ESRRG: variants seen among roughly 807,000 people sequenced by gnomAD.
ESRRG encodes the protein estrogen related receptor gamma, also known as estrogen-related receptor gamma.
In ESRRG, 13 loss-of-function variants were observed where a neutral mutation model predicts 44.0. The observed-to-expected ratio is 0.30, with a 90% CI of 0.19 to 0.47. The LOEUF (loss-of-function observed/expected upper bound fraction) is 0.47. ESRRG is among the 20% of genes least tolerant of loss of function. ESRRG has a pLI of 1.00. For missense variants in ESRRG, 395 were observed against 580.6 expected (o/e 0.68, Z 3.29); for synonymous variants, 215 against 214.6 (o/e 1.00, Z -0.02).
chr1:216,550,910 C>T (rs1447599576), intron 5 of ESRRG, among the ~76,000 whole-genome samples: 1 of 152,128 alleles, frequency 6.6e-6, no homozygotes, highest in Non-Finnish European at 1.5e-5. Context: ...TCCTTTCAGG[C>T]AGATTCTGGC....
intron 2 of ESRRG, among the ~76,000 whole-genome samples, chr1:216,877,331 G>A (rs2096370891): frequency 6.6e-6 from 1 of 151,602 alleles, no homozygotes; most frequent in Non-Finnish European, 1.5e-5. Flanking sequence ...TCATTCATAC[G>A]TGTTAGGTAT....
chr1:216,984,090 A>G (rs549566291), intron 1 of ESRRG, among the ~76,000 whole-genome samples: 58 of 152,236 alleles, frequency 3.8e-4, no homozygotes, highest in African/African-American at 1.3e-3. Flanking sequence ...AAATAACCAA[A>G]GAACACGACT....
chr1:216,615,686 A>G (rs2061328006), intron 3 of ESRRG, among the ~76,000 whole-genome samples: 1 of 151,930 alleles, frequency 6.6e-6, no homozygotes, highest in East Asian at 1.9e-4. Flanking sequence ...CCATATGTGG[A>G]AAGAAGAAAT....
At chr1:216,851,774 ACCCGGCT>A in intron 2 of ESRRG, among the ~76,000 whole-genome samples, 1 of 152,194 alleles carries the variant, frequency 6.6e-6, no homozygotes, top group South Asian at 2.1e-4. Flanking sequence ...TCTCTCATTG[ACCCGGCT>A]AAGGATCCTT....
intron 5 of ESRRG, among the ~76,000 whole-genome samples, chr1:216,536,977 G>A (rs1436234069): frequency 6.6e-6 from 1 of 152,066 alleles, no homozygotes. Context: ...CAGTGGGAGA[G>A]GGGGTCAAGG....
At chr1:216,598,369 G>A (rs7533692) in intron 3 of ESRRG, among the ~76,000 whole-genome samples, 55,455 of 151,946 alleles carry the variant, frequency 0.36, 10,268 homozygotes, top group South Asian at 0.42. Context: ...ATTTGTGGGA[G>A]TGCCAATAAA....
chr1:216,757,175 T>G (rs2092497254), intron 2 of ESRRG, among the ~76,000 whole-genome samples: 1 of 151,988 alleles, frequency 6.6e-6, no homozygotes, highest in Non-Finnish European at 1.5e-5. Context: ...TTCTCTCTGC[T>G]CTGGTGGGGA....
At chr1:216,654,326 C>A (rs182121848) in intron 2 of ESRRG, among the ~76,000 whole-genome samples, 2 of 151,948 alleles carry the variant, frequency 1.3e-5, no homozygotes, top group East Asian at 1.9e-4. Flanking sequence ...CCACAAATAA[C>A]TTTAAAAATA....
intron 2 of ESRRG, among the ~76,000 whole-genome samples, chr1:216,732,672 C>T (rs772699634): frequency 4.0e-5 from 6 of 151,774 alleles, no homozygotes; most frequent in Admixed American, 6.6e-5. Context: ...GGCATGGTGG[C>T]GTGCACATGT....
At chr1:216,875,346 G>A (rs978885787) in intron 2 of ESRRG, among the ~76,000 whole-genome samples, 18 of 151,892 alleles carry the variant, frequency 1.2e-4, no homozygotes, top group African/African-American at 1.7e-4. Flanking sequence ...ATAAAGTATC[G>A]CCAGCACCCC....
chr1:217,094,845 C>A (rs977134580), intron 1 of ESRRG, among the ~76,000 whole-genome samples: 1 of 152,170 alleles, frequency 6.6e-6, no homozygotes, highest in African/African-American at 2.4e-5. Flanking sequence ...AAGTAGGCAG[C>A]CAATCACATC....
At chr1:216,527,314 G>A (rs2047959059) in intron 5 of ESRRG, among the ~76,000 whole-genome samples, 1 of 152,048 alleles carries the variant, frequency 6.6e-6, no homozygotes, top group Non-Finnish European at 1.5e-5. Flanking sequence ...AATTTTAACA[G>A]CATCCTTACC....
At chr1:216,790,367 A>G (rs1186019039) in intron 2 of ESRRG, among the ~76,000 whole-genome samples, 1 of 152,162 alleles carries the variant, frequency 6.6e-6, no homozygotes, top group Non-Finnish European at 1.5e-5. Context: ...AATGGACACA[A>G]TTATATTTGC....
At chr1:216,960,361 T>C (rs1193020639) in intron 1 of ESRRG, among the ~76,000 whole-genome samples, 1 of 152,178 alleles carries the variant, frequency 6.6e-6, no homozygotes, top group Non-Finnish European at 1.5e-5. Flanking sequence ...CTCAATTCCA[T>C]TCAGCTGCAT....
intron 2 of ESRRG, among the ~76,000 whole-genome samples, chr1:216,779,307 TTATATTTATAAATATAAATA>T (rs1250570750): frequency 1.5e-4 from 3 of 19,378 alleles, no homozygotes; most frequent in African/African-American, 3.0e-4. Flanking sequence ...TTTATAAACA[TTATATTTATAAATATAAATA>T]TATATTTATA....
At chr1:216,634,156 A>T (rs147878852) in intron 3 of ESRRG, among the ~76,000 whole-genome samples, 1 of 152,224 alleles carries the variant, frequency 6.6e-6, no homozygotes, top group East Asian at 1.9e-4. Context: ...TCTCTGAAGC[A>T]TAATGCTTCA....
intron 1 of ESRRG, among the ~76,000 whole-genome samples, chr1:217,133,944 T>C (rs2093011548): frequency 6.6e-6 from 1 of 152,060 alleles, no homozygotes; most frequent in Non-Finnish European, 1.5e-5. Flanking sequence ...CCTATGAAGA[T>C]GTACTAAGTT....
chr1:216,702,645 C>T (rs2081612701), intron 1 of ESRRG, among the ~76,000 whole-genome samples: 1 of 149,808 alleles, frequency 6.7e-6, no homozygotes, highest in Non-Finnish European at 1.5e-5. Flanking sequence ...GGCATGGTGG[C>T]ATATGCCTGT....
At chr1:216,768,472 A>ATCTATCTATCTATCTATCTG (rs2093209292) in intron 2 of ESRRG, among the ~76,000 whole-genome samples, 1 of 149,016 alleles carries the variant, frequency 6.7e-6, no homozygotes, top group Non-Finnish European at 1.5e-5. Flanking sequence ...CTATCTATCT[A>ATCTATCTATCTATCTATCTG]TCTATCTATC....
Sources: allele counts gnomAD v4.1 joint callset (sites outside exome capture counted in the v4.1 genomes callset), GRCh38; gene constraint gnomAD v4.1.1; transcripts MANE v1.5; gene names NCBI Gene and HGNC (gene_info 2026-07-23, HGNC 2026-07-21).